Variants in LIPJ observed in about 807,000 individuals in gnomAD.
The protein encoded by LIPJ is lipase family member J.
LIPJ carries 33 observed loss-of-function variants against 39.8 expected under a neutral mutation model. That is an observed-to-expected ratio of 0.83 (90% CI 0.63 to 1.11). The LOEUF (loss-of-function observed/expected upper bound fraction) is 1.11, where lower values mean the gene tolerates loss of function less well. LIPJ is among the 50% of genes least tolerant of loss of function. LIPJ has a pLI of 0.00. For synonymous variants in LIPJ, 128 were observed against 139.2 expected (o/e 0.92, Z 0.57); for missense variants, 422 against 427.9 (o/e 0.99, Z 0.12).
upstream of LIPJ, chr10:88,583,063 G>A (rs771638398): frequency 1.2e-6 from 2 of 1,608,554 alleles, no homozygotes; most frequent in East Asian, 2.2e-5. Flanking sequence ...TTGGCGTTTA[G>A]ACAACCCACC....
chr10:88,616,448 C>T, the LIPJ span, among the ~76,000 whole-genome samples: 7 of 152,330 alleles, frequency 4.6e-5, no homozygotes, highest in Admixed American at 1.3e-4. Flanking sequence ...ATAAGATCCT[C>T]GGTGAACAGG....
chr10:88,614,367 G>T, the LIPJ span, among the ~76,000 whole-genome samples: 1 of 151,948 alleles, frequency 6.6e-6, no homozygotes, highest in Non-Finnish European at 1.5e-5. Context: ...TAAGTAGGTT[G>T]GGATTCATTG....
upstream of LIPJ, chr10:88,584,362 CACAAA>C (rs1483262413): frequency 6.6e-6 from 1 of 152,072 alleles, no homozygotes; most frequent in Non-Finnish European, 1.5e-5. Flanking sequence ...TTACAAAATA[CACAAA>C]ACAAAATACA....
chr10:88,596,616 A>G (rs556812304), intron 7 of LIPJ, among the ~76,000 whole-genome samples, 174 bp from the exon 8 acceptor site: 2 of 151,720 alleles, frequency 1.3e-5, no homozygotes, highest in South Asian at 2.1e-4. Flanking sequence ...CTGTGAGAAG[A>G]AATTCAGTGG....
At chr10:88,583,572 A>C, upstream of LIPJ, 1 of 1,023,148 alleles carries the variant, frequency 9.8e-7, no homozygotes, top group Non-Finnish European at 1.2e-6. Context: ...TACTGCGATA[A>C]CTCTCATGCC....
At chr10:88,594,569 T>C (rs1851189819) in intron 5 of LIPJ, 98 bp from the exon 6 acceptor site, 1 of 530,984 alleles carries the variant, frequency 1.9e-6, no homozygotes, top group African/African-American at 2.0e-5. Context: ...ATAACTAGAG[T>C]AGAAAATTGC....
chr10:88,609,424 C>T (rs1851723955), downstream of LIPJ, among the ~76,000 whole-genome samples: 1 of 152,066 alleles, frequency 6.6e-6, no homozygotes, highest in Non-Finnish European at 1.5e-5. Flanking sequence ...TTCAAATGAT[C>T]CTTCAAAGAA....
chr10:88,613,229 TAAGAG>T, the LIPJ span, among the ~76,000 whole-genome samples: 1 of 152,268 alleles, frequency 6.6e-6, no homozygotes, highest in Non-Finnish European at 1.5e-5. Context: ...TCTAGTTTTC[TAAGAG>T]ACCTATAGGT....
intron 8 of LIPJ, among the ~76,000 whole-genome samples, chr10:88,601,305 G>A (rs899695188): frequency 1.1e-4 from 17 of 152,160 alleles, no homozygotes; most frequent in African/African-American, 3.9e-4. Context: ...CACCACAATG[G>A]CAACCAACAG....
At chr10:88,590,558 G>A in intron 2 of LIPJ, 27 bp from the exon 3 acceptor site, 1 of 709,468 alleles carries the variant, frequency 1.4e-6, no homozygotes. Flanking sequence ...AATTTTAACT[G>A]TATAAACATC....
chr10:88,599,188 T>C (rs749991972), intron 8 of LIPJ, among the ~76,000 whole-genome samples: 4 of 151,620 alleles, frequency 2.6e-5, no homozygotes, highest in Middle Eastern at 3.4e-3. Context: ...TTTATTGAGG[T>C]ACAATTGACA....
chr10:88,609,377 C>T (rs763747976), downstream of LIPJ, among the ~76,000 whole-genome samples: 4 of 152,122 alleles, frequency 2.6e-5, no homozygotes, highest in Middle Eastern at 3.4e-3. Flanking sequence ...TAAAGAGCTC[C>T]GGAATGTTAA....
chr10:88,583,190 T>C (rs768207035), upstream of LIPJ: 1 of 1,613,868 alleles, frequency 6.2e-7, no homozygotes, highest in Non-Finnish European at 8.5e-7. Context: ...ACCTGCGCCA[T>C]GGCGAGAGGG....
chr10:88,592,590 A>G (rs575972393), intron 4 of LIPJ: 2 of 151,972 alleles, frequency 1.3e-5, no homozygotes, highest in African/African-American at 4.8e-5. Flanking sequence ...TAAAAATTAC[A>G]CTACAGAGGT....
the LIPJ span, among the ~76,000 whole-genome samples, chr10:88,613,936 C>T: frequency 3.2e-4 from 48 of 148,418 alleles, no homozygotes; most frequent in Non-Finnish European, 5.2e-4. Context: ...AAACTGTACA[C>T]CAAATTTTTA....
chr10:88,596,529 G>T lies in LIPJ; in HGVS notation c.576+113G>T, dbSNP rs1851260640. 4 of 1,195,250 alleles carry T rather than the reference G, an allele frequency of 3.3e-6. No individual in the cohort carries two copies. In the Admixed American group the frequency reaches 8.8e-5, roughly 26 times the overall value. The allele number at this position is 1,195,250 out of a possible 1,614,324, so 74.0% of individuals were successfully genotyped here. On this transcript the variant is annotated intron_variant, in intron 7 of 10. Transcript: ENST00000371939. ...ACCACAAGTATGGATTGAAATTTTT[G>T]GTTTCATTTACACTACATTCTTGTT... is the stretch of plus-strand genomic sequence containing the variant.
chr10:88,592,791 A>C (rs1224456178), intron 4 of LIPJ: 1 of 151,890 alleles, frequency 6.6e-6, no homozygotes, highest in Non-Finnish European at 1.5e-5. Flanking sequence ...ACTAGTATTC[A>C]TAAATGTCCT....
At chr10:88,585,351 T>G (rs1439555870), upstream of LIPJ, among the ~76,000 whole-genome samples, 1 of 152,226 alleles carries the variant, frequency 6.6e-6, no homozygotes, top group Non-Finnish European at 1.5e-5. Flanking sequence ...AACTTCATAA[T>G]TATCTTCTAT....
rs560381973 is a variant in LIPJ at position 88,599,530 on chromosome 10, T to G, written c.723+2594T>G. On this transcript the variant is annotated intron_variant, in intron 8 of 10. Transcript: ENST00000371939. The stretch of plus-strand genomic sequence containing the variant: ...CGTAGGAGTGATACCATACAGTACT[T>G]GTCTTTCTCTATTTGGCTTATTTAA... Among the ~76,000 whole-genome samples the G allele has an allele frequency of 3.3e-5, 5 of 152,140 alleles. No individual in the cohort carries two copies. The South Asian group carries it at 1.0e-3, about 31-fold the overall frequency.
Sources: allele counts gnomAD v4.1 joint callset (sites outside exome capture counted in the v4.1 genomes callset), GRCh38; gene constraint gnomAD v4.1.1; transcripts MANE v1.5; gene names NCBI Gene and HGNC (gene_info 2026-07-23, HGNC 2026-07-21).